Variants in HMCN1 observed in about 807,000 individuals in gnomAD.
The protein encoded by HMCN1 is hemicentin 1.
In HMCN1, 321 loss-of-function variants were observed where a neutral mutation model predicts 625.9. The observed-to-expected ratio is 0.51, with a 90% CI of 0.47 to 0.56. The LOEUF (loss-of-function observed/expected upper bound fraction) is 0.56. Ranked by LOEUF, HMCN1 falls within the 20% of genes least tolerant of loss-of-function variation. HMCN1 has a pLI of 0.00. For synonymous variants in HMCN1, 2,425 were observed against 2,417.6 expected (o/e 1.00, Z -0.09); for missense variants, 6,588 against 6,887.3 (o/e 0.96, Z 1.54).
rs1558059652 is a variant in HMCN1, at chr1:185,911,799, G to C, written c.900+19G>C. On this transcript the variant is annotated intron_variant, in intron 6 of 106. Coordinates refer to ENST00000271588, the MANE Select transcript of HMCN1 (RefSeq NM_031935.3). Reference sequence around the variant, plus strand: ...AGTGAAGGTACGGTTGTTTCACAAAGTTTGTTTATTGTTTTATTTTGAAGT... The same window carrying C: ...AGTGAAGGTACGGTTGTTTCACAAACTTTGTTTATTGTTTTATTTTGAAGT... 6.4e-7 allele frequency: 1 copy of C among 1,560,768 alleles called. No homozygotes were observed. The highest frequency in any genetic ancestry group is 8.8e-7 in the Non-Finnish European group (1 of 1,131,926).
intron 1 of HMCN1, among the ~76,000 whole-genome samples, chr1:185,809,514 A>G (rs895716419): frequency 6.6e-6 from 1 of 150,830 alleles, no homozygotes; most frequent in African/African-American, 2.4e-5. Context: ...TAGGCATAAT[A>G]TATATATATA....
chr1:186,074,892 G>A lies in HMCN1; in HGVS notation c.8290+1G>A, dbSNP rs1351299207. 2 of 1,603,396 alleles carry A rather than the reference G, an allele frequency of 1.2e-6. No homozygotes were observed. The highest frequency in any genetic ancestry group is 1.7e-6 in the Non-Finnish European group (2 of 1,170,864). ...TTGGATTTTGATGTGAATATTCAAG[G>A]TAATACTAATTGCTTATTGTATATA... On this transcript the variant is annotated splice_donor_variant, in intron 53 of 106. Transcript: ENST00000271588. LOFTEE classifies it high-confidence loss of function.
At chr1:186,087,751 AT>A in intron 60 of HMCN1, 106 bp downstream of exon 60, 1 of 1,281,774 alleles carries the variant, frequency 7.8e-7, no homozygotes, top group Non-Finnish European at 1.1e-6. Context: ...AATGATTTTC[AT>A]TAAAAAAATA....
intron 46 of HMCN1, 45 bp downstream of exon 46, chr1:186,057,446 G>C (rs749425114): frequency 4.6e-6 from 6 of 1,310,016 alleles, no homozygotes; most frequent in Non-Finnish European, 6.6e-6. Context: ...AGCTTCATAC[G>C]GCTACAATTT....
rs894888348 is a variant in HMCN1, at chr1:186,064,555, A to G, written c.7514-683A>G. ...CCAGGCACGGTGGCTCACGCCTGTA[A>G]TCCCAGCACTTTGGGAGGCCGAGGC... On this transcript the variant is annotated intron_variant, in intron 48 of 106. Coordinates refer to ENST00000271588, the MANE Select transcript of HMCN1 (RefSeq NM_031935.3). Among the ~76,000 whole-genome samples, 12 of 152,196 alleles carry G rather than the reference A, an allele frequency of 7.9e-5. No individual in the cohort carries two copies. The East Asian group carries it at 2.3e-3, about 29-fold the overall frequency.
At chr1:186,110,974 A>ATTATTTTTTTTTTTTT (rs778503338) in intron 71 of HMCN1, among the ~76,000 whole-genome samples, 1 of 59,952 alleles carries the variant, frequency 1.7e-5, no homozygotes, top group African/African-American at 1.6e-4. Flanking sequence ...ACCAGAGAAA[A>ATTATTTTTTTTTTTTT]TTCTTTTTTT....
intron 1 of HMCN1, among the ~76,000 whole-genome samples, chr1:185,829,458 T>A (rs949229279): frequency 3.9e-5 from 6 of 152,236 alleles, no homozygotes; most frequent in African/African-American, 1.4e-4. Flanking sequence ...CCCCTCTGTG[T>A]CCATTTGTTC....
rs1659257845 is a variant in HMCN1 at position 186,082,924 on chromosome 1, T to C, written c.8847T>C (p.Ala2949=). The change falls in exon 57 of 107, where the codon GCT becomes GCC. Residue 2949 remains alanine (A), a synonymous_variant. Coordinates refer to ENST00000271588, the MANE Select transcript of HMCN1 (RefSeq NM_031935.3). ...ATGTGTGTGTTGCTGAGAACACAGC[T>C]GGGAGTGCCAAAAAATATTTTAACC... ...GRYVCVAENT[A]GSAKKYFNLN... 1.9e-6 allele frequency: 3 copies of C among 1,594,250 alleles called. No individual in the cohort carries two copies. Among genetic ancestry groups the C allele is most frequent in the East Asian group, 4.5e-5 (2 of 44,010 alleles).
chr1:186,160,514 G>C (rs1358745718), intron 97 of HMCN1, among the ~76,000 whole-genome samples: 1 of 151,230 alleles, frequency 6.6e-6, no homozygotes, highest in Non-Finnish European at 1.5e-5. Context: ...TGTGATGTTA[G>C]GGTGTCAATT....
intron 36 of HMCN1, among the ~76,000 whole-genome samples, chr1:186,030,929 GCT>G (rs1483683486): frequency 6.6e-6 from 1 of 151,582 alleles, no homozygotes; most frequent in African/African-American, 2.4e-5. Context: ...TTCTTAATTA[GCT>G]CTCTTTTTCC....
In HMCN1 at chr1:185,784,580, G is replaced by A. The variant is rs78062947; in HGVS notation, c.268+49533G>A. 6.2e-3 allele frequency among the ~76,000 whole-genome samples: 938 copies of A among 151,866 alleles called. 10 individuals carry two copies. The highest frequency in any genetic ancestry group is 0.021 in the African/African-American group (865 of 41,396). On this transcript the variant is annotated intron_variant, in intron 1 of 106. Transcript: ENST00000271588. The stretch of plus-strand genomic sequence containing the variant: ...TTGATAGTTGTGCTTTTTCATCTTA[G>A]CTTTCTTCCTAGGCAGGTAAACATG...
At chr1:186,034,669 G>A (rs748451897) in intron 36 of HMCN1, among the ~76,000 whole-genome samples, 2 of 152,116 alleles carry the variant, frequency 1.3e-5, no homozygotes, top group Non-Finnish European at 2.9e-5. Context: ...TTTCAAGTTT[G>A]ACTGAGCTGG....
At chr1:186,065,469 A>T (rs369097631) in intron 49 of HMCN1, 40 bp downstream of exon 49, 1 of 1,447,486 alleles carries the variant, frequency 6.9e-7, no homozygotes, top group East Asian at 2.3e-5. Flanking sequence ...AGAATCTGAC[A>T]TGACTGTAGG....
chr1:185,998,442 TC>T (rs1178480483), intron 25 of HMCN1, among the ~76,000 whole-genome samples: 1 of 152,156 alleles, frequency 6.6e-6, no homozygotes, highest in Non-Finnish European at 1.5e-5. Flanking sequence ...AACAAGCTTT[TC>T]AGATACCTAA....
At chr1:185,960,024 A>G (rs1393128502) in intron 11 of HMCN1, among the ~76,000 whole-genome samples, 1 of 151,892 alleles carries the variant, frequency 6.6e-6, no homozygotes, top group Non-Finnish European at 1.5e-5. Context: ...GTAAAGTCTA[A>G]TTCATTTTGA....
chr1:185,745,505 G>A (rs867802049), intron 1 of HMCN1, among the ~76,000 whole-genome samples: 9 of 152,040 alleles, frequency 5.9e-5, no homozygotes, highest in Non-Finnish European at 1.2e-4. Context: ...GGGGAGAGAA[G>A]GCTGTCTGTA....
intron 1 of HMCN1, among the ~76,000 whole-genome samples, chr1:185,758,276 T>G (rs1414972885): frequency 2.6e-5 from 4 of 152,158 alleles, no homozygotes; most frequent in African/African-American, 9.7e-5. Context: ...TTATTTAACT[T>G]TATAGTGGAT....
At chr1:185,749,388 A>T (rs1343132129) in intron 1 of HMCN1, among the ~76,000 whole-genome samples, 2 of 152,286 alleles carry the variant, frequency 1.3e-5, no homozygotes, top group Admixed American at 1.3e-4. Flanking sequence ...TTAAATACCC[A>T]GGGAGGCCAG....
chr1:185,826,860 G>A (rs1420066274), intron 1 of HMCN1, among the ~76,000 whole-genome samples: 1 of 152,010 alleles, frequency 6.6e-6, no homozygotes, highest in Non-Finnish European at 1.5e-5. Flanking sequence ...AGCTGGTACA[G>A]AAAAAACTCA....
Sources: gnomAD v4.1 joint callset for allele counts (sites outside exome capture counted in the v4.1 genomes callset) on GRCh38, gnomAD v4.1.1 for gene constraint, MANE v1.5 for transcripts, NCBI Gene and HGNC (gene_info 2026-07-23, HGNC 2026-07-21) for gene names.